ADCY9: variants seen among roughly 807,000 people sequenced by gnomAD.
The protein encoded by ADCY9 is adenylate cyclase type 9.
A neutral mutation model predicts 101.5 loss-of-function variants in ADCY9; 50 were observed. The observed-to-expected ratio is 0.49, with a 90% CI of 0.39 to 0.62. The LOEUF is 0.62. Ranked by LOEUF, ADCY9 falls within the 20% of genes least tolerant of loss-of-function variation. ADCY9 has a pLI of 0.00. For missense variants in ADCY9, 1,662 were observed against 1,800.4 expected, an observed-to-expected ratio of 0.92 and a Z score of 1.39; for synonymous variants, 905 against 769.3, an observed-to-expected ratio of 1.18 and a Z score of -2.92.
chr16:4,107,550 CAAAA>C (rs61565312), intron 2 of ADCY9, among the ~76,000 whole-genome samples: 2 of 72,846 alleles, frequency 2.7e-5, no homozygotes, highest in East Asian at 1.2e-3. Flanking sequence ...GACTCTGTCT[CAAAA>C]AAAAAAAAAA....
chr16:4,072,762 C>T (rs1190669144), intron 2 of ADCY9, among the ~76,000 whole-genome samples: 2 of 151,998 alleles, frequency 1.3e-5, no homozygotes, highest in Non-Finnish European at 2.9e-5. Context: ...AATACCAAAA[C>T]AACATCATGT....
In ADCY9 at chr16:4,114,422, T is replaced by C. The variant is rs754458281; in HGVS notation, c.1021A>G (p.Ile341Val). Residue 341 changes from isoleucine (I) to valine (V), a missense_variant, in exon 2 of 11, where the codon ATC becomes GTC. Transcript: ENST00000294016. This position sits in a 1 kb window ranked among gnomAD's most constrained non-coding sequence, Gnocchi z 4.3. ...TGCTTCATTAAGTCATCGGCTATGATTCTTGGCATCACGGAATGAATCATC... is the reference window on the plus strand; with the variant it reads ...TGCTTCATTAAGTCATCGGCTATGACTCTTGGCATCACGGAATGAATCATC... ...ERMIHSVMPRIIADDLMKQGD... is the reference protein window; with the variant it reads ...ERMIHSVMPRVIADDLMKQGD... 2 of 1,614,166 alleles carry C rather than the reference T, an allele frequency of 1.2e-6. No individual in the cohort carries two copies. The highest frequency in any genetic ancestry group is 1.7e-6 in the Non-Finnish European group (2 of 1,180,052).
chr16:3,996,436 C>G (rs989611935), intron 3 of ADCY9, among the ~76,000 whole-genome samples: 8 of 152,076 alleles, frequency 5.3e-5, no homozygotes, highest in Non-Finnish European at 1.2e-4. Flanking sequence ...GTAAAAAAAT[C>G]TAACACCAAG....
Position 3,983,293 on chromosome 16 carries a change from C to A in ADCY9, c.2458G>T (p.Ala820Ser), listed in dbSNP as rs752796119. Residue 820 changes from alanine to serine, a missense_variant, in exon 7 of 11, where the codon GCC becomes TCC. Ala to Ser is a moderately conservative substitution (Grantham distance 99, BLOSUM62 1). Around this residue, in one of 5 missense-constraint regions of ADCY9, gnomAD observed 624 missense variants for 639.1 expected, o/e 0.98. Transcript: ENST00000294016. Reference protein sequence around the residue: ...EAATVPPPPAALAVFSAALLL... With the variant: ...EAATVPPPPASLAVFSAALLL... ...AGGGCTGCACTGAAGACCGCCAGGG[C>A]GGCGGGCGGGGGAGGCACGGTGGCC... 17 of 1,559,914 alleles carry A rather than the reference C, an allele frequency of 1.1e-5. No individual in the cohort carries two copies. The highest frequency in any genetic ancestry group is 9.7e-5 in the East Asian group (4 of 41,340).
chr16:4,046,175 C>T (rs1254089718), intron 2 of ADCY9, among the ~76,000 whole-genome samples: 1 of 152,038 alleles, frequency 6.6e-6, no homozygotes, highest in Non-Finnish European at 1.5e-5. Context: ...GTGTTAATGA[C>T]GAACCTGAGC....
At chr16:3,968,073 A>G (rs2056015209) in intron 10 of ADCY9, among the ~76,000 whole-genome samples, 2 of 152,204 alleles carry the variant, frequency 1.3e-5, no homozygotes, top group Non-Finnish European at 2.9e-5. Context: ...TCCTAAGAAT[A>G]AGGATATTTC....
At chr16:4,009,904 C>G (rs1490996109) in intron 2 of ADCY9, among the ~76,000 whole-genome samples, 1 of 152,192 alleles carries the variant, frequency 6.6e-6, no homozygotes, top group Admixed American at 6.5e-5. Context: ...CTAAGGGTCT[C>G]CTTCCCATGA....
intron 8 of ADCY9, among the ~76,000 whole-genome samples, chr16:3,978,141 C>T (rs1346447609): frequency 6.6e-6 from 1 of 152,186 alleles, no homozygotes; most frequent in African/African-American, 2.4e-5. Context: ...AGGTTCCCTA[C>T]CCGGCGTGAG....
At position 4,068,158 on chromosome 16, in the gene ADCY9, C is replaced by T. The variant is rs568711014; in HGVS notation, c.1693+45592G>A. Among the ~76,000 whole-genome samples the T allele has an allele frequency of 4.5e-4, 68 of 152,264 alleles. 1 individual carries two copies. Among genetic ancestry groups the T allele is most frequent in the Admixed American group, 4.3e-3 (65 of 15,290 alleles). On this transcript the variant is annotated intron_variant, in intron 2 of 10. Coordinates refer to ENST00000294016, the MANE Select transcript of ADCY9 (RefSeq NM_001116.4). ...CATACCCAGACAAGCTCATATCCCACCTGCACCCCTTTACAGTCAAGGATG... is the reference window on the plus strand; with the variant it reads ...CATACCCAGACAAGCTCATATCCCATCTGCACCCCTTTACAGTCAAGGATG...
At chr16:4,065,156 G>T (rs775216100) in intron 2 of ADCY9, among the ~76,000 whole-genome samples, 8 of 152,124 alleles carry the variant, frequency 5.3e-5, no homozygotes, top group Non-Finnish European at 1.2e-4. Context: ...CCCCTCTCTC[G>T]TCATGTCGTT....
chr16:3,981,979 G>C (rs200556698), intron 7 of ADCY9: 1 of 152,272 alleles, frequency 6.6e-6, no homozygotes, highest in African/African-American at 2.4e-5. Flanking sequence ...CTGGGGAAGT[G>C]GACCCTGAAA....
At position 4,114,815 on chromosome 16, in the gene ADCY9, T is replaced by C. The variant is rs771254861; in HGVS notation, c.628A>G (p.Thr210Ala). ...AAGCAAGTATCTGTGGGCCGGGCTGTGGCCGTAAGGTTGGAGCTGTCGCCG... is the reference window on the plus strand; with the variant it reads ...AAGCAAGTATCTGTGGGCCGGGCTGCGGCCGTAAGGTTGGAGCTGTCGCCG... ...GRGDSSNLTATARPTDTCLSQ... is the reference protein window; with the variant it reads ...GRGDSSNLTAAARPTDTCLSQ... Residue 210 changes from threonine (T) to alanine (A), a missense_variant, in exon 2 of 11, where the codon ACA (threonine) becomes GCA (alanine). By Grantham distance (58) the Thr-to-Ala change is moderately conservative (BLOSUM62 0). Coordinates refer to ENST00000294016, the MANE Select transcript of ADCY9 (RefSeq NM_001116.4). This position sits in a 1 kb window ranked among gnomAD's most constrained non-coding sequence, Gnocchi z 4.3. The C allele has an allele frequency of 6.2e-7, 1 of 1,613,370 alleles. No homozygotes were observed. The highest frequency in any genetic ancestry group is 8.5e-7 in the Non-Finnish European group (1 of 1,180,036).
In ADCY9 at chr16:4,052,325, G is replaced by C. The variant is rs867112448; in HGVS notation, c.1694-44767C>G. ...CTGCATTTGGTGGCATGGTGTGACA[G>C]TGCCCACGTCCTGATTTGGGCAGGT... On this transcript the variant is annotated intron_variant, in intron 2 of 10. Transcript: ENST00000294016. Among the ~76,000 whole-genome samples, 16 of 152,236 alleles carry C rather than the reference G, an allele frequency of 1.1e-4. No individual in the cohort carries two copies. In the South Asian group the frequency reaches 1.2e-3, roughly 12 times the overall value.
At chr16:4,019,146 T>A (rs1048293809) in intron 2 of ADCY9, among the ~76,000 whole-genome samples, 13 of 151,920 alleles carry the variant, frequency 8.6e-5, no homozygotes, top group South Asian at 2.1e-4. Flanking sequence ...CACCTTCTTT[T>A]AAAAAAAAAT....
intron 2 of ADCY9, among the ~76,000 whole-genome samples, chr16:4,055,852 C>G (rs985816676): frequency 6.6e-6 from 1 of 151,944 alleles, no homozygotes; most frequent in African/African-American, 2.4e-5. Flanking sequence ...AAAAAGATAC[C>G]TTTTGGGAAC....
At chr16:4,040,823 C>A (rs1040581729) in intron 2 of ADCY9, among the ~76,000 whole-genome samples, 3 of 152,154 alleles carry the variant, frequency 2.0e-5, no homozygotes, top group African/African-American at 7.2e-5. Flanking sequence ...CTACACGAGT[C>A]TTTTCACCTA....
chr16:4,015,264 G>C (rs757479376), intron 2 of ADCY9, among the ~76,000 whole-genome samples: 3 of 152,010 alleles, frequency 2.0e-5, no homozygotes, highest in Non-Finnish European at 4.4e-5. Context: ...TCTGTATTCC[G>C]AGTTAATAAA....
intron 3 of ADCY9, among the ~76,000 whole-genome samples, chr16:4,006,847 CG>C (rs1296105439): frequency 6.6e-6 from 1 of 152,130 alleles, no homozygotes; most frequent in Non-Finnish European, 1.5e-5. Context: ...CAGGAGATCC[CG>C]GTTCCAATAA....
At chr16:4,017,402 T>C (rs1158187922) in intron 2 of ADCY9, among the ~76,000 whole-genome samples, 1 of 149,880 alleles carries the variant, frequency 6.7e-6, no homozygotes, top group East Asian at 2.0e-4. Flanking sequence ...CCCAGCACTT[T>C]GGGAGGCCGA....
Sources: gnomAD v4.1 joint callset for allele counts (sites outside exome capture counted in the v4.1 genomes callset) on GRCh38, gnomAD v4.1.1 for gene constraint, gnomAD v4.1.1 regional missense constraint, Gnocchi (gnomAD v3.1) non-coding constraint, MANE v1.5 for transcripts, NCBI Gene and HGNC (gene_info 2026-07-23, HGNC 2026-07-21) for gene names.